The following CHD2 variants were observed in gnomAD, a reference collection of about 807,000 sequenced individuals.
The protein encoded by CHD2 is ATP-dependent chromatin remodeler CHD2.
A neutral mutation model predicts 243.9 loss-of-function variants in CHD2; 28 were observed. The observed-to-expected ratio is 0.11, with a 90% CI of 0.09 to 0.16. The LOEUF (loss-of-function observed/expected upper bound fraction) is 0.16, where lower values mean the gene tolerates loss of function less well. CHD2 is among the 10% of genes least tolerant of loss of function. The pLI is 1.00. For synonymous variants in CHD2, 775 were observed against 779.0 expected (o/e 0.99, Z 0.09); for missense variants, 1,386 against 2,209.8 (o/e 0.63, Z 7.47).
chr15:92,936,634 ATT>A (rs1354368193), intron 5 of CHD2, among the ~76,000 whole-genome samples: 2 of 152,200 alleles, frequency 1.3e-5, no homozygotes, highest in African/African-American at 4.8e-5. Context: ...AGCTGAACAG[ATT>A]AGTTATATGA....
At position 93,024,358 on chromosome 15, in the gene CHD2, C is replaced by A; in HGVS notation, c.5154-14C>A. The A allele has an allele frequency of 6.2e-7, 1 of 1,605,282 alleles. No individual in the cohort carries two copies. Among genetic ancestry groups the A allele is most frequent in the Admixed American group, 1.7e-5 (1 of 59,504 alleles). On this transcript the variant is annotated splice_polypyrimidine_tract_variant and intron_variant, in intron 38 of 38. Coordinates refer to ENST00000394196, the MANE Select transcript of CHD2 (RefSeq NM_001271.4). ...GCTTCAGTCTTTCGACTAATCCTTGCATCTCTATTTCAGGCACCATCATGA... is the reference window on the plus strand; with the variant it reads ...GCTTCAGTCTTTCGACTAATCCTTGAATCTCTATTTCAGGCACCATCATGA...
At chr15:92,949,169 T>C (rs1567138382) in intron 13 of CHD2, 93 bp downstream of exon 13, 1 of 1,561,102 alleles carries the variant, frequency 6.4e-7, no homozygotes, top group African/African-American at 1.4e-5. Flanking sequence ...TTTCACACCC[T>C]TATTGTATCT....
intron 17 of CHD2, among the ~76,000 whole-genome samples, chr15:92,968,976 A>G (rs968635113): frequency 6.6e-6 from 1 of 152,246 alleles, no homozygotes; most frequent in Admixed American, 6.5e-5. Flanking sequence ...CCTGCCCCAG[A>G]ACTAGAGTCA....
At chr15:92,918,810 T>C (rs1596374882) in intron 2 of CHD2, among the ~76,000 whole-genome samples, 3 of 148,668 alleles carry the variant, frequency 2.0e-5, no homozygotes, top group Admixed American at 2.0e-4. Context: ...TATACACACA[T>C]ATATACACAT....
chr15:92,989,021 CATACTTTTT>C (rs2054081357), intron 26 of CHD2, among the ~76,000 whole-genome samples: 1 of 131,962 alleles, frequency 7.6e-6, no homozygotes, highest in Admixed American at 8.5e-5. Context: ...CTTCATACTT[CATACTTTTT>C]TTTTTTTTTT....
intron 17 of CHD2, 104 bp from the exon 18 acceptor site, chr15:92,971,661 T>A: frequency 8.2e-6 from 8 of 976,754 alleles, no homozygotes; most frequent in African/African-American, 1.7e-5. Context: ...TTTTTAGGCC[T>A]CTTTTTTTCT....
chr15:92,983,760 A>G, intron 24 of CHD2, among the ~76,000 whole-genome samples: 1 of 152,292 alleles, frequency 6.6e-6, no homozygotes, highest in African/African-American at 2.4e-5. Context: ...ATTTATTTAA[A>G]TTTTTTCTGT....
At chr15:92,978,450 C>T (rs1322827817) in intron 21 of CHD2, 67 bp downstream of exon 21, 2 of 1,494,158 alleles carry the variant, frequency 1.3e-6, no homozygotes, top group Non-Finnish European at 1.8e-6. Flanking sequence ...TCAGCCCTTT[C>T]AGGATGTTAA....
intron 2 of CHD2, chr15:92,904,462 T>TC (rs2052581131): frequency 3.0e-6 from 3 of 986,822 alleles, no homozygotes; most frequent in Non-Finnish European, 2.4e-6. Flanking sequence ...CGCTTTCTCC[T>TC]CCCCCTACCC....
At position 93,009,334 on chromosome 15, in the gene CHD2, T is replaced by C. The variant is rs370509627; in HGVS notation, c.4592+11T>C. The C allele has an allele frequency of 6.8e-6, 11 of 1,611,694 alleles. No homozygotes were observed. Among genetic ancestry groups the C allele is most frequent in the Non-Finnish European group, 9.3e-6 (11 of 1,178,080 alleles). ...CAAACTCTGGAGGAGGTAACCACTT[T>C]GGCCTCGTCTGCCCAGTTTGATTTG... On this transcript the variant is annotated intron_variant, in intron 35 of 38. Transcript: ENST00000394196.
At chr15:92,988,154 C>T (rs1353874297) in intron 26 of CHD2, among the ~76,000 whole-genome samples, 1 of 151,944 alleles carries the variant, frequency 6.6e-6, no homozygotes, top group Non-Finnish European at 1.5e-5. Flanking sequence ...GCAATCTCGG[C>T]CCACTGCAAC....
intron 25 of CHD2, among the ~76,000 whole-genome samples, chr15:92,985,203 AT>A (rs2054027049): frequency 6.6e-6 from 1 of 152,232 alleles, no homozygotes; most frequent in Non-Finnish European, 1.5e-5. Context: ...AAAGAGTAAA[AT>A]TACTTGCCCA....
At chr15:92,957,934 C>T (rs1052458054) in intron 16 of CHD2, among the ~76,000 whole-genome samples, 4 of 152,020 alleles carry the variant, frequency 2.6e-5, no homozygotes, top group African/African-American at 9.7e-5. Context: ...CTTTTGTTTC[C>T]GGCTTCCTTC....
At chr15:92,978,507 A>C (rs1045128927) in intron 21 of CHD2, 124 bp downstream of exon 21, 10 of 978,674 alleles carry the variant, frequency 1.0e-5, no homozygotes, top group Admixed American at 8.3e-5. Flanking sequence ...TGAAGCATTG[A>C]TTTCTGTTTG....
intron 2 of CHD2, among the ~76,000 whole-genome samples, chr15:92,923,449 A>G (rs77775805): frequency 6.6e-6 from 1 of 151,108 alleles, no homozygotes; most frequent in East Asian, 2.0e-4. Flanking sequence ...TCTTGAAGAG[A>G]TGGGTTTTGC....
chr15:92,929,168 G>A, intron 5 of CHD2, 77 bp downstream of exon 5: 2 of 1,365,410 alleles, frequency 1.5e-6, no homozygotes, highest in South Asian at 1.3e-5. Context: ...CCTTCGTTGT[G>A]TCTTTAGTCT....
chr15:93,015,052 G>T, intron 37 of CHD2, 143 bp downstream of exon 37: 2 of 696,850 alleles, frequency 2.9e-6, no homozygotes, highest in South Asian at 2.0e-5. Flanking sequence ...CTTAATGAGA[G>T]AAAGCATGAA....
At chr15:92,960,098 C>G (rs919831968) in intron 16 of CHD2, among the ~76,000 whole-genome samples, 1 of 152,052 alleles carries the variant, frequency 6.6e-6, no homozygotes, top group Non-Finnish European at 1.5e-5. Context: ...TCAAAATATT[C>G]TTTTAATTCT....
At chr15:92,935,680 G>T (rs1197877607) in intron 5 of CHD2, among the ~76,000 whole-genome samples, 1 of 152,192 alleles carries the variant, frequency 6.6e-6, no homozygotes. Context: ...GACTCATGCT[G>T]GTCTCCCACT....
Sources: gnomAD v4.1 joint callset for allele counts (sites outside exome capture counted in the v4.1 genomes callset) on GRCh38, gnomAD v4.1.1 for gene constraint, MANE v1.5 for transcripts, NCBI Gene and HGNC (gene_info 2026-07-23, HGNC 2026-07-21) for gene names.